Variants in LRP1B observed in about 807,000 individuals in gnomAD.
The protein encoded by LRP1B is LDL receptor related protein 1B, also known as low-density lipoprotein receptor-related protein 1B.
A neutral mutation model predicts 556.6 loss-of-function variants in LRP1B; 217 were observed. That is an observed-to-expected ratio of 0.39 (90% CI 0.35 to 0.44). LRP1B has a LOEUF of 0.44. LRP1B is among the 20% of genes least tolerant of loss of function. The pLI is 1.00. For missense variants in LRP1B, 5,053 were observed against 5,620.8 expected, an observed-to-expected ratio of 0.90 and a Z score of 3.23; for synonymous variants, 2,047 against 1,865.8, an observed-to-expected ratio of 1.10 and a Z score of -2.50.
chr2:141,490,274 T>C (rs1559101462), intron 2 of LRP1B, among the ~76,000 whole-genome samples: 2 of 152,156 alleles, frequency 1.3e-5, no homozygotes, highest in African/African-American at 4.8e-5. Context: ...CGATGGTATG[T>C]ATTATTATGA....
chr2:142,110,516 A>G (rs938573092), intron 1 of LRP1B, among the ~76,000 whole-genome samples: 10 of 152,060 alleles, frequency 6.6e-5, no homozygotes, highest in African/African-American at 2.2e-4. Context: ...AGTGGGAGAA[A>G]CCCTCAGTTC....
At chr2:140,234,440 C>T (rs1440582306) in intron 90 of LRP1B, among the ~76,000 whole-genome samples, 1 of 151,094 alleles carries the variant, frequency 6.6e-6, no homozygotes, top group African/African-American at 2.4e-5. Context: ...AAATAAACCA[C>T]TATGAGAGGA....
intron 49 of LRP1B, 83 bp from the exon 50 acceptor site, chr2:140,517,094 T>C: frequency 1.1e-6 from 1 of 935,920 alleles, no homozygotes; most frequent in Non-Finnish European, 1.7e-6. Context: ...CTCCCTAAAC[T>C]GAAAGAGATA....
At chr2:140,435,553 A>C (rs116828173) in intron 66 of LRP1B, among the ~76,000 whole-genome samples, 6,512 of 152,096 alleles carry the variant, frequency 0.043, 227 homozygotes, top group Non-Finnish European at 0.054. Flanking sequence ...GGCTTTTGCT[A>C]CCTATCAATC....
chr2:140,402,665 C>T (rs1409633166), intron 66 of LRP1B, among the ~76,000 whole-genome samples: 2 of 152,116 alleles, frequency 1.3e-5, no homozygotes, highest in Non-Finnish European at 2.9e-5. Flanking sequence ...GTGGTCCCCA[C>T]CCTTCCACCT....
At chr2:142,032,571 A>C (rs1260499677) in intron 1 of LRP1B, among the ~76,000 whole-genome samples, 3 of 151,764 alleles carry the variant, frequency 2.0e-5, no homozygotes, top group Non-Finnish European at 4.4e-5. Context: ...TTTAACCATC[A>C]TCATTATTTT....
At chr2:141,484,379 T>C (rs1043671779) in intron 2 of LRP1B, among the ~76,000 whole-genome samples, 4 of 149,946 alleles carry the variant, frequency 2.7e-5, no homozygotes, top group African/African-American at 9.7e-5. Flanking sequence ...TGTAGTATAG[T>C]TTGAAGTCAG....
At chr2:141,803,813 T>G (rs534429325) in intron 2 of LRP1B, among the ~76,000 whole-genome samples, 1 of 152,262 alleles carries the variant, frequency 6.6e-6, no homozygotes, top group African/African-American at 2.4e-5. Flanking sequence ...AGATAGAAAG[T>G]TCAGAAGGAA....
intron 88 of LRP1B, 48 bp downstream of exon 88, chr2:140,239,394 G>C (rs2104884396): frequency 1.7e-6 from 2 of 1,174,644 alleles, no homozygotes; most frequent in Non-Finnish European, 2.5e-6. Flanking sequence ...TCTGCACCTA[G>C]TTGTGTGATT....
rs70994450 is a variant in LRP1B at position 141,752,945 on chromosome 2, G to GAAAAAAAAAAAAA, written c.205+57321_205+57333dup. Among the ~76,000 whole-genome samples, 17 of 28,218 alleles carry GAAAAAAAAAAAAA rather than the reference G, an allele frequency of 6.0e-4. 2 individuals are homozygous for GAAAAAAAAAAAAA. Among genetic ancestry groups the GAAAAAAAAAAAAA allele is most frequent in the African/African-American group, 9.2e-4 (10 of 10,858 alleles). The allele number at this position is 28,218 out of a possible 152,430, so 18.5% of individuals were successfully genotyped here. On this transcript the variant is annotated intron_variant, in intron 2 of 90. Transcript: ENST00000389484. ...GGTGACAGACTGAGACCCTGTCTCA[G>GAAAAAAAAAAAAA]AAAAAAAAAAAAAAAATTATGCTGG...
intron 2 of LRP1B, among the ~76,000 whole-genome samples, chr2:141,598,167 T>C (rs1417318361): frequency 5.9e-5 from 9 of 152,038 alleles, no homozygotes; most frequent in Admixed American, 5.9e-4. Context: ...GGGTTTCTTT[T>C]ATACATTAAA....
At chr2:140,303,012 C>CACATATAT (rs1386410889) in intron 83 of LRP1B, among the ~76,000 whole-genome samples, 1 of 82,838 alleles carries the variant, frequency 1.2e-5, no homozygotes, top group African/African-American at 4.2e-5. Flanking sequence ...AAATCTCCTT[C>CACATATAT]ATATATATAT....
At chr2:140,947,243 A>G (rs1695573719) in intron 20 of LRP1B, among the ~76,000 whole-genome samples, 1 of 152,174 alleles carries the variant, frequency 6.6e-6, no homozygotes, top group Non-Finnish European at 1.5e-5. Context: ...AAATTTAGAA[A>G]TTTTCTGAAA....
At chr2:142,053,828 C>T (rs1009787323) in intron 1 of LRP1B, among the ~76,000 whole-genome samples, 4 of 152,132 alleles carry the variant, frequency 2.6e-5, no homozygotes, top group Admixed American at 2.0e-4. Context: ...TCTCTTGACA[C>T]TAAGAGTTAA....
At position 142,070,819 on chromosome 2, in the gene LRP1B, G is replaced by T. The variant is rs189162832; in HGVS notation, c.82+59829C>A. ...TATTGCATGTAGTTTGGAAAGGAAA[G>T]AAAATGCTTGAACAGCATTTAAATA... On this transcript the variant is annotated intron_variant, in intron 1 of 90. Transcript: ENST00000389484. Among the ~76,000 whole-genome samples the T allele has an allele frequency of 1.2e-3, 179 of 152,014 alleles. 3 individuals carry two copies. The highest frequency in any genetic ancestry group is 0.01 in the Admixed American group (157 of 15,212).
At chr2:141,960,925 G>T (rs1282435087) in intron 1 of LRP1B, among the ~76,000 whole-genome samples, 1 of 151,634 alleles carries the variant, frequency 6.6e-6, no homozygotes. Context: ...AAATGGAATA[G>T]ATCTTTTAAC....
intron 27 of LRP1B, among the ~76,000 whole-genome samples, chr2:140,863,333 A>G (rs569566741): frequency 5.9e-4 from 90 of 152,228 alleles, no homozygotes; most frequent in African/African-American, 2.1e-3. Flanking sequence ...CTTTTCTTAG[A>G]GGAATGGTTC....
intron 2 of LRP1B, among the ~76,000 whole-genome samples, chr2:141,489,484 C>T (rs1186878289): frequency 2.0e-5 from 3 of 151,874 alleles, no homozygotes; most frequent in South Asian, 2.1e-4. Flanking sequence ...ATCTAGACCA[C>T]TTACAAGACT....
At chr2:141,009,778 A>G (rs748827184) in intron 14 of LRP1B, among the ~76,000 whole-genome samples, 6 of 152,052 alleles carry the variant, frequency 3.9e-5, no homozygotes, top group Non-Finnish European at 2.9e-5. Flanking sequence ...TTTATCAGTG[A>G]TAAAATTACA....
Sources: gnomAD v4.1 joint callset for allele counts (sites outside exome capture counted in the v4.1 genomes callset) on GRCh38, gnomAD v4.1.1 for gene constraint, MANE v1.5 for transcripts, NCBI Gene and HGNC (gene_info 2026-07-23, HGNC 2026-07-21) for gene names.